Variants in FOXP2 observed in about 807,000 individuals in gnomAD.
FOXP2 encodes the protein forkhead box P2, also known as forkhead box protein P2.
Under a neutral mutation model 115.8 loss-of-function variants are expected in FOXP2, and 12 were observed. The observed-to-expected ratio is 0.10, with a 90% CI of 0.07 to 0.17. The LOEUF (loss-of-function observed/expected upper bound fraction) is 0.17. FOXP2 is among the 10% of genes least tolerant of loss of function. The probability of loss-of-function intolerance (pLI) is 1.00; values close to 1 mark genes in which losing one functional copy is unlikely to be tolerated. For missense variants in FOXP2, 629 were observed against 843.5 expected (o/e 0.75, Z 3.15); for synonymous variants, 328 against 297.7 (o/e 1.10, Z -1.05).
intron 2 of FOXP2, among the ~76,000 whole-genome samples, chr7:114,296,869 TA>T (rs987877729): frequency 6.6e-6 from 1 of 152,218 alleles, no homozygotes; most frequent in Non-Finnish European, 1.5e-5. Context: ...TTCAACCTTA[TA>T]AAGATTCTGT....
chr7:114,221,380 C>A (rs1794617500), intron 1 of FOXP2, among the ~76,000 whole-genome samples: 1 of 151,946 alleles, frequency 6.6e-6, no homozygotes, highest in Non-Finnish European at 1.5e-5. Context: ...TAAAAATGTC[C>A]TAAAAATTCA....
At chr7:114,335,650 G>T (rs1797835453) in intron 2 of FOXP2, among the ~76,000 whole-genome samples, 1 of 151,810 alleles carries the variant, frequency 6.6e-6, no homozygotes, top group South Asian at 2.1e-4. Flanking sequence ...TGGATCAGTG[G>T]TTGAAGGGAT....
chr7:114,342,063 T>A (rs930946272), intron 2 of FOXP2, among the ~76,000 whole-genome samples: 2 of 151,400 alleles, frequency 1.3e-5, no homozygotes, highest in African/African-American at 4.8e-5. Context: ...GCCAAAGGCT[T>A]TAAATAAGTG....
intron 2 of FOXP2, among the ~76,000 whole-genome samples, chr7:114,400,215 T>C (rs867262958): frequency 3.9e-5 from 6 of 151,934 alleles, no homozygotes; most frequent in Non-Finnish European, 5.9e-5. Context: ...TGTTGTTGTT[T>C]TTGGTGGGGG....
At chr7:114,450,215 T>G (rs967460351) in intron 2 of FOXP2, among the ~76,000 whole-genome samples, 1 of 152,108 alleles carries the variant, frequency 6.6e-6, no homozygotes, top group East Asian at 1.9e-4. Context: ...ATGTCCTTCC[T>G]CTATGCATAC....
intron 1 of FOXP2, among the ~76,000 whole-genome samples, chr7:114,275,332 ACT>A (rs1285051736): frequency 1.3e-5 from 2 of 151,800 alleles, no homozygotes; most frequent in South Asian, 2.1e-4. Flanking sequence ...GTTCTTAAAT[ACT>A]CTGTTTTGTT....
chr7:114,211,094 G>C (rs1008179299), intron 1 of FOXP2, among the ~76,000 whole-genome samples: 1 of 152,196 alleles, frequency 6.6e-6, no homozygotes, highest in African/African-American at 2.4e-5. Context: ...TGCTGCTGTT[G>C]GCTGGTTGGA....
intron 2 of FOXP2, among the ~76,000 whole-genome samples, chr7:114,465,127 A>T (rs1795747091): frequency 6.6e-6 from 1 of 152,124 alleles, no homozygotes; most frequent in Non-Finnish European, 1.5e-5. Flanking sequence ...TTAAAAATTA[A>T]TTACTTAATT....
chr7:114,331,825 T>C (rs2129183034), intron 2 of FOXP2, among the ~76,000 whole-genome samples: 1 of 152,112 alleles, frequency 6.6e-6, no homozygotes, highest in East Asian at 1.9e-4. Context: ...TTTGTATTTT[T>C]ACTATAGATG....
intron 2 of FOXP2, among the ~76,000 whole-genome samples, chr7:114,506,957 A>C (rs1239788775): frequency 6.6e-6 from 1 of 151,746 alleles, no homozygotes. Context: ...ATATTGAATT[A>C]TTTTTCATAT....
chr7:114,124,589 C>T (rs1280163423), intron 1 of FOXP2, among the ~76,000 whole-genome samples: 1 of 151,966 alleles, frequency 6.6e-6, no homozygotes, highest in Non-Finnish European at 1.5e-5. Context: ...TGTGCTCAGG[C>T]ATTATGTTTT....
chr7:114,449,437 A>G (rs1287034773), intron 2 of FOXP2, among the ~76,000 whole-genome samples: 2 of 152,082 alleles, frequency 1.3e-5, no homozygotes, highest in East Asian at 1.9e-4. Context: ...ACACTTGTAC[A>G]TATCCCACTC....
In FOXP2 at chr7:114,570,630, C is replaced by A. The variant is rs988853017; in HGVS notation, c.258+35924C>A. Among the ~76,000 whole-genome samples, 3 of 151,774 alleles carry A rather than the reference C, an allele frequency of 2.0e-5. No homozygotes were observed. In the Admixed American group the frequency reaches 2.0e-4, roughly 10 times the overall value. On this transcript the variant is annotated intron_variant, in intron 3 of 16. Coordinates refer to ENST00000350908, the MANE Select transcript of FOXP2 (RefSeq NM_014491.4). ...CAACTTCCCATCTGCCAAATTATTT[C>A]TATTTTTAAAATCTATACTGGTTAA...
At chr7:114,377,487 A>G (rs1164475504) in intron 2 of FOXP2, among the ~76,000 whole-genome samples, 1 of 152,244 alleles carries the variant, frequency 6.6e-6, no homozygotes, top group Non-Finnish European at 1.5e-5. Context: ...GCATAGGACC[A>G]TGTTCATAAC....
intron 3 of FOXP2, among the ~76,000 whole-genome samples, chr7:114,548,940 G>T (rs1436610154): frequency 6.6e-6 from 1 of 152,246 alleles, no homozygotes; most frequent in Middle Eastern, 3.4e-3. Flanking sequence ...GTTTCATTTA[G>T]CTATTACATA....
intron 2 of FOXP2, among the ~76,000 whole-genome samples, chr7:114,288,274 A>G (rs1443195957): frequency 1.3e-5 from 2 of 152,062 alleles, no homozygotes; most frequent in Non-Finnish European, 1.5e-5. Context: ...CAGTAGAAAT[A>G]TTAATCACTG....
chr7:114,237,231 A>G (rs955828797), intron 1 of FOXP2, among the ~76,000 whole-genome samples: 2 of 152,232 alleles, frequency 1.3e-5, no homozygotes. Flanking sequence ...ACTGACTATT[A>G]TCTTCTACCA....
intron 3 of FOXP2, among the ~76,000 whole-genome samples, chr7:114,594,015 T>C (rs1178940189): frequency 2.0e-5 from 3 of 152,034 alleles, no homozygotes; most frequent in African/African-American, 4.8e-5. Context: ...TACAAGGACC[T>C]ATTTTATAAA....
intron 1 of FOXP2, among the ~76,000 whole-genome samples, chr7:114,121,076 G>A (rs903452473): frequency 3.9e-5 from 6 of 152,070 alleles, no homozygotes; most frequent in South Asian, 2.1e-4. Context: ...TGGACTGAAT[G>A]TTTACGTTCC....
Sources: gnomAD v4.1 joint callset for allele counts (sites outside exome capture counted in the v4.1 genomes callset) on GRCh38, gnomAD v4.1.1 for gene constraint, MANE v1.5 for transcripts, NCBI Gene and HGNC (gene_info 2026-07-23, HGNC 2026-07-21) for gene names.